Variants in GPR89A observed in about 807,000 individuals in gnomAD.
The protein encoded by GPR89A is golgi pH regulator A, also known as G protein-coupled receptor 89A.
Under a neutral mutation model 52.0 loss-of-function variants are expected in GPR89A, and 16 were observed. The ratio of observed to expected loss-of-function variants is 0.31; its 90% confidence interval spans 0.21 to 0.47. The LOEUF is 0.47. Among genes scored for constraint, GPR89A ranks in the 20% least tolerant of loss-of-function variants. The pLI is 1.00. For synonymous variants in GPR89A, 55 were observed against 150.9 expected, an observed-to-expected ratio of 0.36 and a Z score of 4.66; for missense variants, 135 against 449.4, an observed-to-expected ratio of 0.30 and a Z score of 6.33.
rs587740727 is a variant in GPR89A at position 145,628,897 on chromosome 1, G to A, written c.416-1790G>A. On this transcript the variant is annotated intron_variant, in intron 5 of 13. Transcript: ENST00000313835. ...GGGGTTGGTAACTAGACGTAAACTC[G>A]AAGCCAAGAACAGAATTTCTCTTAG... Among the ~76,000 whole-genome samples the A allele has an allele frequency of 1.4e-4, 22 of 152,174 alleles. 1 individual carries two copies. In the Middle Eastern group the frequency reaches 0.01, roughly 71 times the overall value.
intron 10 of GPR89A, among the ~76,000 whole-genome samples, chr1:145,647,525 C>T (rs1330157962): frequency 1.3e-5 from 2 of 151,614 alleles, no homozygotes; most frequent in African/African-American, 2.4e-5. Flanking sequence ...AAATTGAGGC[C>T]GGGCATGGTG....
At chr1:145,659,221 G>T (rs1652019482) in intron 10 of GPR89A, among the ~76,000 whole-genome samples, 1 of 151,928 alleles carries the variant, frequency 6.6e-6, no homozygotes, top group African/African-American at 2.4e-5. Context: ...GTCTAGCTCT[G>T]TCGCCCAGGC....
At chr1:145,611,466 A>G (rs1442635095) in intron 1 of GPR89A, 8 of 151,638 alleles carry the variant, frequency 5.3e-5, no homozygotes, top group African/African-American at 1.5e-4. Context: ...TTCTTGCATT[A>G]ATTTGCTTAG....
Position 145,634,029 on chromosome 1 carries a change from C to T in GPR89A, c.617+2285C>T, listed in dbSNP as rs139551997. Among the ~76,000 whole-genome samples the T allele has an allele frequency of 4.8e-3, 732 of 151,584 alleles. 8 individuals carry two copies. The highest frequency in any genetic ancestry group is 0.017 in the African/African-American group (690 of 41,328). ...AATAAATGGAAAGATATCCCATGCT[C>T]ATGGACTGGTGTATAATTTTTGTAT... On this transcript the variant is annotated intron_variant, in intron 7 of 13. Coordinates refer to ENST00000313835, the MANE Select transcript of GPR89A (RefSeq NM_001097612.2).
chr1:145,617,780 T>TA (rs1460372293), intron 2 of GPR89A, among the ~76,000 whole-genome samples: 5 of 152,154 alleles, frequency 3.3e-5, no homozygotes, highest in Admixed American at 3.3e-4. Flanking sequence ...GACTCGACAT[T>TA]TCCTAGTTAG....
At chr1:145,617,302 A>C (rs1225322624) in intron 2 of GPR89A, among the ~76,000 whole-genome samples, 1 of 152,198 alleles carries the variant, frequency 6.6e-6, no homozygotes, top group South Asian at 2.1e-4. Context: ...CCCCGCAAGC[A>C]GTCAGACCTT....
intron 7 of GPR89A, among the ~76,000 whole-genome samples, chr1:145,635,825 G>T (rs1553690629): frequency 6.6e-6 from 1 of 152,174 alleles, no homozygotes; most frequent in East Asian, 1.9e-4. Context: ...TGGGCATAGT[G>T]GTGCATGCCT....
At chr1:145,637,115 T>A (rs1321669455) in intron 7 of GPR89A, among the ~76,000 whole-genome samples, 26 of 152,220 alleles carry the variant, frequency 1.7e-4, no homozygotes, top group African/African-American at 6.0e-4. Context: ...GAACTGCTTC[T>A]TGGTGCGATT....
intron 1 of GPR89A, chr1:145,612,317 T>TA (rs1375883309): frequency 1.2e-4 from 18 of 152,226 alleles, no homozygotes; most frequent in Admixed American, 1.0e-3. Context: ...CAACCATTCT[T>TA]ACCTCCTTTC....
At chr1:145,639,746 C>CAA (rs71584625) in intron 7 of GPR89A, among the ~76,000 whole-genome samples, 5,702 of 130,906 alleles carry the variant, frequency 0.044, 356 homozygotes, top group African/African-American at 0.15. Context: ...AACTCTGTCT[C>CAA]AAAAAAAAAA....
chr1:145,643,471 T>C (rs587703685), intron 7 of GPR89A, among the ~76,000 whole-genome samples: 5 of 152,296 alleles, frequency 3.3e-5, no homozygotes, highest in African/African-American at 1.2e-4. Flanking sequence ...CAGCCAGGTA[T>C]GTTAGCTGTT....
chr1:145,616,202 T>C lies in GPR89A; in HGVS notation c.43-32T>C, dbSNP rs782367248. 3.3e-5 allele frequency: 51 copies of C among 1,547,776 alleles called. No homozygotes were observed. In the Admixed American group the frequency reaches 3.6e-4, roughly 11 times the overall value. ...ATAAAACATTTCTCAAAAGAAAATA[T>C]GTATTGACATTCTATTTTCTTTCTC... On this transcript the variant is annotated intron_variant, in intron 1 of 13. Transcript: ENST00000313835.
In GPR89A at chr1:145,608,091, G is replaced by C. The variant is rs71618970; in HGVS notation, c.-43G>C. The C allele has an allele frequency of 8.6e-4, 1,380 of 1,611,736 alleles. 9 individuals carry two copies. In the African/African-American group the frequency reaches 0.016, roughly 18 times the overall value. On this transcript the variant is annotated 5_prime_UTR_variant, in exon 1 of 14. Coordinates refer to ENST00000313835, the MANE Select transcript of GPR89A (RefSeq NM_001097612.2). ...TGTGGCCCCAGCGTGCTGTGGCCTC[G>C]GGGAGTGGGAAGTGGAGGCAGGAGC...
chr1:145,609,278 C>G (rs1183091343), intron 1 of GPR89A, among the ~76,000 whole-genome samples: 1 of 152,150 alleles, frequency 6.6e-6, no homozygotes, highest in Non-Finnish European at 1.5e-5. Flanking sequence ...TAATACTCGT[C>G]TCCGTAGAGC....
chr1:145,658,532 C>T (rs587632848), intron 10 of GPR89A, among the ~76,000 whole-genome samples: 14 of 149,344 alleles, frequency 9.4e-5, no homozygotes, highest in African/African-American at 3.0e-4. Context: ...GAGGCTGAGG[C>T]GGGGGAGGAT....
At chr1:145,611,435 C>T (rs1648271058) in intron 1 of GPR89A, 1 of 151,210 alleles carries the variant, frequency 6.6e-6, no homozygotes, top group Admixed American at 6.6e-5. Context: ...GAAGTGAGAA[C>T]ATGTGGTATT....
At chr1:145,629,103 C>T (rs1649718213) in intron 5 of GPR89A, among the ~76,000 whole-genome samples, 3 of 152,024 alleles carry the variant, frequency 2.0e-5, no homozygotes, top group African/African-American at 7.3e-5. Context: ...CTTTGCTTAC[C>T]CCCCTGGCAG....
chr1:145,620,328 A>C (rs1649054632), intron 3 of GPR89A, among the ~76,000 whole-genome samples: 1 of 152,164 alleles, frequency 6.6e-6, no homozygotes, highest in East Asian at 1.9e-4. Context: ...CAATAAACTT[A>C]ATTTGTAAAA....
At chr1:145,614,825 A>C (rs1648548426) in intron 1 of GPR89A, among the ~76,000 whole-genome samples, 1 of 150,898 alleles carries the variant, frequency 6.6e-6, no homozygotes, top group Admixed American at 6.6e-5. Context: ...AGTTCCTTTC[A>C]GAGGACATCT....
Sources: allele counts gnomAD v4.1 joint callset (sites outside exome capture counted in the v4.1 genomes callset), GRCh38; gene constraint gnomAD v4.1.1; transcripts MANE v1.5; gene names NCBI Gene and HGNC (gene_info 2026-07-23, HGNC 2026-07-21).